KCNH4: variants seen among roughly 807,000 people sequenced by gnomAD.
KCNH4 encodes potassium voltage-gated channel subfamily H member 4.
In KCNH4, 33 loss-of-function variants were observed where a neutral mutation model predicts 90.7. The ratio of observed to expected loss-of-function variants is 0.36; its 90% confidence interval spans 0.28 to 0.49. KCNH4 has a LOEUF of 0.49. Ranked by LOEUF, KCNH4 falls within the 20% of genes least tolerant of loss-of-function variation. KCNH4 has a pLI of 0.98. For missense variants in KCNH4, 1,044 were observed against 1,387.1 expected (o/e 0.75, Z 3.93); for synonymous variants, 551 against 581.7 (o/e 0.95, Z 0.76).
At chr17:42,175,820 G>A in intron 5 of KCNH4, 84 bp from the exon 6 acceptor site, 1 of 1,512,286 alleles carries the variant, frequency 6.6e-7, no homozygotes, top group Non-Finnish European at 9.1e-7. Flanking sequence ...TTTGGAGACT[G>A]GAGGAGGAGG....
At chr17:42,169,271 G>C (rs1258655576) in intron 9 of KCNH4, among the ~76,000 whole-genome samples, 4 of 151,652 alleles carry the variant, frequency 2.6e-5, no homozygotes, top group African/African-American at 9.7e-5. Context: ...GCAGAGACAG[G>C]GTTTCACCAT....
intron 1 of KCNH4, among the ~76,000 whole-genome samples, chr17:42,179,782 C>G (rs1039571270): frequency 1.7e-4 from 26 of 152,284 alleles, no homozygotes; most frequent in African/African-American, 6.3e-4. Context: ...ATCTGCCCCA[C>G]TGCTCAAAGT....
chr17:42,173,793 CG>C lies in KCNH4; in HGVS notation c.987+1785del, dbSNP rs536609547. ...TCGGCTCACTGAAAGCTCTGCCTCC[CG>C]GGTTCAGACCATTCTCCTGCCTCAG... On this transcript the variant is annotated intron_variant, in intron 6 of 16. Coordinates refer to ENST00000264661, the MANE Select transcript of KCNH4 (RefSeq NM_012285.3). Among the ~76,000 whole-genome samples the C allele has an allele frequency of 2.7e-4, 40 of 149,724 alleles. No individual in the cohort carries two copies. In the South Asian group the frequency reaches 7.9e-3, roughly 30 times the overall value.
Position 42,170,165 on chromosome 17 carries a change from G to A in KCNH4, c.1332C>T (p.Asn444=), listed in dbSNP as rs767869766. ...TCTCCGCGTCGGTGTTGGCACACAC[G>A]TTGCCAAAGCCCACACTGGTGAGGC... The part of the protein sequence containing the change: ...LSSLTSVGFG[N]VCANTDAEKI... The change falls in exon 8 of 17, where the codon AAC becomes AAT. Residue 444 remains asparagine, a synonymous_variant. Coordinates refer to ENST00000264661, the MANE Select transcript of KCNH4 (RefSeq NM_012285.3). 5.6e-6 allele frequency: 9 copies of A among 1,613,510 alleles called. No individual in the cohort carries two copies. The highest frequency in any genetic ancestry group is 4.5e-5 in the East Asian group (2 of 44,878).
chr17:42,167,962 C>T (rs1046124979), intron 9 of KCNH4, among the ~76,000 whole-genome samples: 7 of 152,166 alleles, frequency 4.6e-5, no homozygotes, highest in African/African-American at 1.7e-4. Context: ...ACTCACATGC[C>T]CATTCCTGCG....
intron 16 of KCNH4, among the ~76,000 whole-genome samples, chr17:42,158,602 G>A (rs1198958391): frequency 4.6e-5 from 7 of 150,650 alleles, no homozygotes; most frequent in African/African-American, 1.2e-4. Flanking sequence ...TTGGGAGGAC[G>A]AGGCAGGCGG....
intron 6 of KCNH4, among the ~76,000 whole-genome samples, chr17:42,173,638 G>A (rs1477286935): frequency 6.7e-6 from 1 of 149,414 alleles, no homozygotes; most frequent in Non-Finnish European, 1.5e-5. Context: ...GGTTACCTGG[G>A]AAGCAGGGTG....
rs1447832238 is a variant in KCNH4, at chr17:42,163,221, C to T, written c.2584+7G>A. 2 of 1,599,510 alleles carry T rather than the reference C, an allele frequency of 1.3e-6. No homozygotes were observed. Among genetic ancestry groups the T allele is most frequent in the Non-Finnish European group, 1.7e-6 (2 of 1,166,832 alleles). On this transcript the variant is annotated splice_region_variant and intron_variant, in intron 14 of 16. Coordinates refer to ENST00000264661, the MANE Select transcript of KCNH4 (RefSeq NM_012285.3). The surrounding 1 kb of genome is among the most constrained non-coding windows in gnomAD (Gnocchi z 5.4). Reference sequence around the variant, plus strand: ...TGACGGGGTTGAAGTCCACTGTTGGCCCTTACCTGTAGGGGGCGCCTGGGA... The same window carrying T: ...TGACGGGGTTGAAGTCCACTGTTGGTCCTTACCTGTAGGGGGCGCCTGGGA...
chr17:42,175,482 G>C (rs2079854481), intron 6 of KCNH4, 97 bp downstream of exon 6: 1 of 1,330,084 alleles, frequency 7.5e-7, no homozygotes, highest in African/African-American at 1.4e-5. Context: ...TGGATTGATG[G>C]GAAGGGGCAT....
At chr17:42,179,047 G>A in intron 1 of KCNH4, 21 bp from the exon 2 acceptor site, 3 of 1,597,944 alleles carry the variant, frequency 1.9e-6, no homozygotes, top group Non-Finnish European at 2.6e-6. Context: ...AAGAGGTCAA[G>A]GTCAGGTCAA....
chr17:42,173,165 A>G (rs2079839042), intron 6 of KCNH4, among the ~76,000 whole-genome samples: 1 of 151,844 alleles, frequency 6.6e-6, no homozygotes, highest in Non-Finnish European at 1.5e-5. Context: ...GGGTGGGAGC[A>G]GCCTGGCAGC....
At chr17:42,171,077 A>G (rs925785790) in intron 7 of KCNH4, among the ~76,000 whole-genome samples, 2 of 152,138 alleles carry the variant, frequency 1.3e-5, no homozygotes, top group Admixed American at 6.6e-5. Context: ...GTGGGAAGCC[A>G]CTGAAGGAAT....
At chr17:42,160,995 C>T (rs1000734032) in intron 15 of KCNH4, among the ~76,000 whole-genome samples, 5 of 133,900 alleles carry the variant, frequency 3.7e-5, no homozygotes, top group Admixed American at 8.6e-5. Context: ...GGCGCGATCT[C>T]AGCTCACTGC....
At chr17:42,161,943 T>C (rs181600108) in intron 15 of KCNH4, among the ~76,000 whole-genome samples, 147 of 150,710 alleles carry the variant, frequency 9.8e-4, no homozygotes, top group African/African-American at 3.5e-3. Context: ...CTAGCGTGAA[T>C]ATCTCTCTCT....
In KCNH4 at chr17:42,180,747, T is replaced by C; in HGVS notation, c.76+123A>G. 3 of 1,017,908 alleles carry C rather than the reference T, an allele frequency of 2.9e-6. No individual in the cohort carries two copies. The highest frequency in any genetic ancestry group is 4.5e-6 in the Non-Finnish European group (3 of 662,444). 63.1% of individuals were successfully genotyped at this position (1,017,908 alleles called of 1,614,324 possible). A position where few individuals can be genotyped will look rare whatever the true frequency, so the allele number is the denominator to read the frequency against. On this transcript the variant is annotated intron_variant, in intron 1 of 16. Transcript: ENST00000264661. The surrounding 1 kb of genome is among the most constrained non-coding windows in gnomAD (Gnocchi z 4.7). ...CCTGCACCGCGGCTTTGGGAGTTCC[T>C]AGACCCGCACCTCCATTCTCTCCCC... is the stretch of plus-strand genomic sequence containing the variant.
chr17:42,161,210 G>C (rs1010484363), intron 15 of KCNH4, among the ~76,000 whole-genome samples: 2 of 152,180 alleles, frequency 1.3e-5, no homozygotes, highest in African/African-American at 4.8e-5. Context: ...TTACAGGCAT[G>C]AGCCACCGCG....
At chr17:42,161,208 A>G (rs891947169) in intron 15 of KCNH4, among the ~76,000 whole-genome samples, 2 of 152,168 alleles carry the variant, frequency 1.3e-5, no homozygotes, top group Middle Eastern at 3.4e-3. Context: ...GATTACAGGC[A>G]TGAGCCACCG....
rs1006550595 is a variant in KCNH4, at chr17:42,166,234, T to C, written c.1840+63A>G. On this transcript the variant is annotated intron_variant, in intron 10 of 16. Coordinates refer to ENST00000264661, the MANE Select transcript of KCNH4 (RefSeq NM_012285.3). ...CCCTAGAATCCTGGCCATTCCCAAG[T>C]CCTCAGTGGGGGTTGCGGGGGGTGG... The C allele has an allele frequency of 1.6e-4, 238 of 1,513,822 alleles. 1 individual carries two copies. In the African/African-American group the frequency reaches 2.8e-3, roughly 18 times the overall value. The allele number at this position is 1,513,822 out of a possible 1,614,324, so 93.8% of individuals were successfully genotyped here.
chr17:42,162,187 C>A, intron 15 of KCNH4, 61 bp downstream of exon 15: 1 of 1,442,046 alleles, frequency 6.9e-7, no homozygotes. Flanking sequence ...CTCAAGTGAG[C>A]CACGTGTAGG....
Sources: gnomAD v4.1 joint callset for allele counts (sites outside exome capture counted in the v4.1 genomes callset) on GRCh38, gnomAD v4.1.1 for gene constraint, Gnocchi (gnomAD v3.1) non-coding constraint, MANE v1.5 for transcripts, NCBI Gene and HGNC (gene_info 2026-07-23, HGNC 2026-07-21) for gene names.